DIAPH2: variants seen among roughly 807,000 people sequenced by gnomAD.
DIAPH2 encodes the protein protein diaphanous homolog 2.
In DIAPH2, 35 loss-of-function variants were observed where a neutral mutation model predicts 92.7. The ratio of observed to expected loss-of-function variants is 0.38; its 90% confidence interval spans 0.29 to 0.50. The LOEUF is 0.50. Ranked by LOEUF, DIAPH2 falls within the 20% of genes least tolerant of loss-of-function variation. DIAPH2 has a pLI of 0.94. For synonymous variants in DIAPH2, 301 were observed against 280.4 expected, an observed-to-expected ratio of 1.07 and a Z score of -0.73; for missense variants, 701 against 819.5, an observed-to-expected ratio of 0.86 and a Z score of 1.77.
intron 26 of DIAPH2, among the ~76,000 whole-genome samples, chrX:97,439,966 G>A (rs935038538): frequency 1.9e-4 from 21 of 110,952 alleles, no homozygotes; most frequent in African/African-American, 5.6e-4. Flanking sequence ...CAGGAGTCTC[G>A]GAGAAATGAT....
intron 26 of DIAPH2, among the ~76,000 whole-genome samples, chrX:97,460,520 T>C (rs778196650): frequency 1.8e-5 from 2 of 111,732 alleles, no homozygotes; most frequent in South Asian, 3.8e-4. Flanking sequence ...TAGAAAACAG[T>C]TGATTTCTAG....
chrX:97,097,926 A>G lies in DIAPH2; in HGVS notation c.2248-1768A>G, dbSNP rs75594628. Among the ~76,000 whole-genome samples the G allele has an allele frequency of 5.0e-4, 56 of 112,183 alleles. 1 individual carries two copies. The East Asian group carries it at 0.013, about 27-fold the overall frequency. ...TAATACTAATGGAGCAAAATAGTGG[A>G]TTCTCTTGATTTCATTTCAGTATTC... On this transcript the variant is annotated intron_variant, in intron 19 of 26. Transcript: ENST00000324765.
chrX:96,798,831 CAT>C (rs1204529676), intron 4 of DIAPH2, among the ~76,000 whole-genome samples: 2 of 111,618 alleles, frequency 1.8e-5, no homozygotes, highest in Non-Finnish European at 3.8e-5. Context: ...CTACTTCTAA[CAT>C]GTGTCCTTTT....
chrX:96,799,909 T>G (rs2147647733), intron 4 of DIAPH2, among the ~76,000 whole-genome samples: 1 of 110,680 alleles, frequency 9.0e-6, no homozygotes, highest in African/African-American at 3.3e-5. Context: ...TACCATGGGT[T>G]AATCCTATAA....
At position 96,922,439 on chromosome X, in the gene DIAPH2, A is replaced by G. The variant is rs750981761; in HGVS notation, c.978+3822A>G. On this transcript the variant is annotated intron_variant, in intron 9 of 26. Transcript: ENST00000324765. Reference sequence around the variant, plus strand: ...TTACAAAGTATAGTATTGACTGTGAATCTAACCCATTCTACTTCCACTGCC... The same window carrying G: ...TTACAAAGTATAGTATTGACTGTGAGTCTAACCCATTCTACTTCCACTGCC... Among the ~76,000 whole-genome samples the G allele has an allele frequency of 2.4e-4, 27 of 110,935 alleles. 1 individual carries two copies. The highest frequency in any genetic ancestry group is 8.7e-4 in the Admixed American group (9 of 10,364).
Position 97,597,325 on chromosome X carries a change from G to A in DIAPH2, c.3242-1928G>A, listed in dbSNP as rs369482833. Among the ~76,000 whole-genome samples, 3 of 112,272 alleles carry A rather than the reference G, an allele frequency of 2.7e-5. No homozygotes were observed. In the East Asian group the frequency reaches 8.4e-4, roughly 31 times the overall value. ...AGCTTCCATGTCTTTTCGTCAGTTT[G>A]TTTTGACCCGAAACTTTGTTTTCTC... is the stretch of plus-strand genomic sequence containing the variant. On this transcript the variant is annotated intron_variant, in intron 26 of 26. Coordinates refer to ENST00000324765, the MANE Select transcript of DIAPH2 (RefSeq NM_006729.5).
intron 10 of DIAPH2, among the ~76,000 whole-genome samples, chrX:96,933,927 T>C (rs1371309059): frequency 9.1e-6 from 1 of 109,846 alleles, no homozygotes; most frequent in Non-Finnish European, 1.9e-5. Flanking sequence ...AATTTTTACA[T>C]TTTCTATAGA....
chrX:96,962,262 T>TATATATATATAC (rs1175825524), intron 16 of DIAPH2, among the ~76,000 whole-genome samples: 2 of 83,811 alleles, frequency 2.4e-5, no homozygotes, highest in East Asian at 6.8e-4. Context: ...GATGCCTTTC[T>TATATATATATAC]ATATATATAT....
intron 26 of DIAPH2, among the ~76,000 whole-genome samples, chrX:97,476,645 T>C (rs2070605911): frequency 9.0e-6 from 1 of 110,688 alleles, no homozygotes; most frequent in South Asian, 3.8e-4. Context: ...TTTTTTCAAT[T>C]GAATGAGTAA....
In DIAPH2 at chrX:97,439,212, G is replaced by T. The variant is rs777216880; in HGVS notation, c.3241+9467G>T. ...TAGAGCCAAGGCAGGAGGATCTCTT[G>T]AGCCCAGGAGTTCAAGACCACCCTA... On this transcript the variant is annotated intron_variant, in intron 26 of 26. Transcript: ENST00000324765. 9.0e-5 allele frequency among the ~76,000 whole-genome samples: 10 copies of T among 110,942 alleles called. No homozygotes were observed. The East Asian group carries it at 2.6e-3, about 29-fold the overall frequency.
chrX:97,070,030 T>G (rs1602319698), intron 17 of DIAPH2, among the ~76,000 whole-genome samples: 1 of 111,787 alleles, frequency 8.9e-6, no homozygotes, highest in South Asian at 3.7e-4. Flanking sequence ...TCTTAGATAA[T>G]GAGTATCTTG....
chrX:97,075,199 G>A lies in DIAPH2; in HGVS notation c.2185G>A (p.Glu729Lys). 8.4e-7 allele frequency: 1 copy of A among 1,190,469 alleles called. No individual in the cohort carries two copies. The highest frequency in any genetic ancestry group is 1.1e-6 in the Non-Finnish European group (1 of 884,021). ...IFLGSYRMPY[E>K]DIRNVILEVN... ...TCTGGGATCATATCGCATGCCATAT[G>A]AAGACATAAGAAACGTTATTCTGGA... The change falls in exon 19 of 27, where the codon GAA becomes AAA. Residue 729 changes from glutamate to lysine, a missense_variant. This residue lies in a region of DIAPH2 where 536 missense variants were observed against 599.3 expected (regional missense o/e 0.89). Coordinates refer to ENST00000324765, the MANE Select transcript of DIAPH2 (RefSeq NM_006729.5).
intron 17 of DIAPH2, among the ~76,000 whole-genome samples, chrX:97,057,858 T>A (rs780336327): frequency 9.0e-6 from 1 of 111,480 alleles, no homozygotes; most frequent in Non-Finnish European, 1.9e-5. Flanking sequence ...CCTTGTGGGC[T>A]GTGCTTGTAT....
intron 1 of DIAPH2, among the ~76,000 whole-genome samples, chrX:96,718,896 C>T (rs2063972075): frequency 8.9e-6 from 1 of 111,794 alleles, no homozygotes; most frequent in Non-Finnish European, 1.9e-5. Context: ...TACATTCCCA[C>T]CGACAGTGTA....
At chrX:97,542,328 G>A (rs1267111215) in intron 26 of DIAPH2, among the ~76,000 whole-genome samples, 2 of 111,932 alleles carry the variant, frequency 1.8e-5, no homozygotes, top group Non-Finnish European at 3.8e-5. Flanking sequence ...CCCTAGTGGA[G>A]GCTTATAGGA....
chrX:97,522,115 T>C (rs1052923395), intron 26 of DIAPH2, among the ~76,000 whole-genome samples: 2 of 112,013 alleles, frequency 1.8e-5, no homozygotes, highest in Non-Finnish European at 3.8e-5. Context: ...TATAGGTTCT[T>C]ATACCTAGTT....
At chrX:96,717,868 GAT>G (rs1160418432) in intron 1 of DIAPH2, among the ~76,000 whole-genome samples, 41 of 77,125 alleles carry the variant, frequency 5.3e-4, no homozygotes, top group Non-Finnish European at 9.3e-4. Flanking sequence ...ATTCACATGA[GAT>G]ATTTTGATAC....
At chrX:97,239,369 A>G (rs2068073669) in intron 22 of DIAPH2, among the ~76,000 whole-genome samples, 1 of 111,905 alleles carries the variant, frequency 8.9e-6, no homozygotes, top group South Asian at 3.7e-4. Context: ...AAGTATATGT[A>G]TATTTTTCAA....
Position 96,764,001 on chromosome X carries a change from TA to T in DIAPH2, c.447+5744del, listed in dbSNP as rs756702112. Among the ~76,000 whole-genome samples, 8 of 108,608 alleles carry T rather than the reference TA, an allele frequency of 7.4e-5. No homozygotes were observed. The East Asian group carries it at 1.4e-3, about 20-fold the overall frequency. The allele number at this position is 108,608 out of a possible 115,157, so 94.3% of individuals were successfully genotyped here. On this transcript the variant is annotated intron_variant, in intron 4 of 26. Coordinates refer to ENST00000324765, the MANE Select transcript of DIAPH2 (RefSeq NM_006729.5). ...TTTTTTTTTAAATTCACGAGACATC[TA>T]GGGGGAAAAGCCATCATCCTTTCAG...
Sources: gnomAD v4.1 joint callset for allele counts (sites outside exome capture counted in the v4.1 genomes callset) on GRCh38, gnomAD v4.1.1 for gene constraint, gnomAD v4.1.1 regional missense constraint, MANE v1.5 for transcripts, NCBI Gene and HGNC (gene_info 2026-07-23, HGNC 2026-07-21) for gene names.